DLGAP1: variants seen among roughly 807,000 people sequenced by gnomAD.
The protein encoded by DLGAP1 is DLG associated protein 1.
A neutral mutation model predicts 90.8 loss-of-function variants in DLGAP1; 11 were observed. The ratio of observed to expected loss-of-function variants is 0.12; its 90% CI spans 0.08 to 0.20. The LOEUF (loss-of-function observed/expected upper bound fraction) is 0.20. Ranked by LOEUF, DLGAP1 falls within the 10% of genes least tolerant of loss-of-function variation. The probability of loss-of-function intolerance (pLI) is 1.00; values close to 1 mark genes in which losing one functional copy is unlikely to be tolerated. For missense variants in DLGAP1, 1,050 were observed against 1,333.8 expected, an observed-to-expected ratio of 0.79 and a Z score of 3.31; for synonymous variants, 558 against 540.7, an observed-to-expected ratio of 1.03 and a Z score of -0.44.
intron 7 of DLGAP1, among the ~76,000 whole-genome samples, chr18:3,706,381 G>A (rs554470746): frequency 2.8e-4 from 42 of 152,278 alleles, no homozygotes; most frequent in African/African-American, 1.0e-3. Context: ...CTTGCAGGGT[G>A]ATGGACACAT....
rs143775537 is a variant in DLGAP1, at chr18:3,569,279, C to T, written c.1966-1698G>A. 5.3e-5 allele frequency among the ~76,000 whole-genome samples: 8 copies of T among 152,036 alleles called. 1 individual carries two copies. In the East Asian group the frequency reaches 5.9e-4, roughly 11 times the overall value. On this transcript the variant is annotated intron_variant, in intron 8 of 12. Coordinates refer to ENST00000315677, the MANE Select transcript of DLGAP1 (RefSeq NM_004746.4). The stretch of plus-strand genomic sequence containing the variant: ...CCTCCCAAATTGCTGAGATTACAGG[C>T]GTGAGCCACCGCACCTGGACAAAAA...
chr18:3,623,818 G>A (rs533487332), intron 7 of DLGAP1, among the ~76,000 whole-genome samples: 1 of 149,442 alleles, frequency 6.7e-6, no homozygotes, highest in South Asian at 2.1e-4. Flanking sequence ...CCTAGAAAAT[G>A]CTTTTCCCGT....
At chr18:4,414,524 G>C (rs1230069252) in intron 1 of DLGAP1, among the ~76,000 whole-genome samples, 1 of 152,072 alleles carries the variant, frequency 6.6e-6, no homozygotes, top group East Asian at 1.9e-4. Flanking sequence ...AGGAGTTGCA[G>C]ACCAGCCTGG....
At chr18:3,703,945 TG>T (rs2061359458) in intron 7 of DLGAP1, among the ~76,000 whole-genome samples, 1 of 152,180 alleles carries the variant, frequency 6.6e-6, no homozygotes. Context: ...CTTCTAATCT[TG>T]ACAGTTCCCA....
chr18:4,137,046 C>T (rs2076415132), intron 2 of DLGAP1, among the ~76,000 whole-genome samples: 1 of 152,060 alleles, frequency 6.6e-6, no homozygotes, highest in South Asian at 2.1e-4. Flanking sequence ...GCTATCCCTC[C>T]CCCCTTCCCC....
intron 5 of DLGAP1, among the ~76,000 whole-genome samples, chr18:3,767,364 T>C (rs887843128): frequency 2.0e-5 from 3 of 151,894 alleles, no homozygotes; most frequent in East Asian, 1.9e-4. Context: ...TTCCAGAAAA[T>C]AGAAGAGAAG....
intron 3 of DLGAP1, among the ~76,000 whole-genome samples, chr18:3,950,819 T>G (rs550247986): frequency 6.6e-6 from 1 of 152,366 alleles, no homozygotes; most frequent in South Asian, 2.1e-4. Flanking sequence ...TTGTGTATTC[T>G]AATTGTAGTG....
At chr18:3,966,010 A>C (rs1167111108) in intron 3 of DLGAP1, among the ~76,000 whole-genome samples, 1 of 151,654 alleles carries the variant, frequency 6.6e-6, no homozygotes, top group African/African-American at 2.4e-5. Flanking sequence ...CTTGGAGTTA[A>C]CAATGTAGTT....
At chr18:4,141,325 T>C (rs143441759) in intron 2 of DLGAP1, among the ~76,000 whole-genome samples, 189 of 152,146 alleles carry the variant, frequency 1.2e-3, no homozygotes, top group African/African-American at 4.3e-3. Flanking sequence ...TAAGGACATG[T>C]AGAAGTTCTG....
intron 1 of DLGAP1, among the ~76,000 whole-genome samples, chr18:4,304,092 T>A (rs2080191798): frequency 6.6e-6 from 1 of 152,210 alleles, no homozygotes; most frequent in South Asian, 2.1e-4. Context: ...GCATGTACAT[T>A]TTTTAGTCTG....
chr18:4,354,066 G>C (rs1225279691), intron 1 of DLGAP1, among the ~76,000 whole-genome samples: 1 of 152,162 alleles, frequency 6.6e-6, no homozygotes, highest in African/African-American at 2.4e-5. Context: ...GAGTCTCTGT[G>C]ACTCGCACAT....
intron 1 of DLGAP1, among the ~76,000 whole-genome samples, chr18:4,323,318 A>G (rs569302): frequency 0.22 from 33,066 of 152,126 alleles, 3,702 homozygotes; most frequent in Middle Eastern, 0.28. Context: ...AGAAAAGGAA[A>G]CCCTTGTACA....
chr18:4,189,180 A>C (rs2077351449), intron 1 of DLGAP1, among the ~76,000 whole-genome samples: 1 of 152,136 alleles, frequency 6.6e-6, no homozygotes. Flanking sequence ...GCTTGTTACC[A>C]ATGAGTATGT....
chr18:3,863,787 C>T (rs2070228156), intron 4 of DLGAP1, among the ~76,000 whole-genome samples: 1 of 152,238 alleles, frequency 6.6e-6, no homozygotes, highest in South Asian at 2.1e-4. Flanking sequence ...GCTCGGGAGC[C>T]TGCAACCTCC....
intron 9 of DLGAP1, among the ~76,000 whole-genome samples, chr18:3,564,949 G>C (rs2054343990): frequency 1.3e-5 from 2 of 152,008 alleles, no homozygotes; most frequent in South Asian, 4.2e-4. Context: ...GTTCCTTTTA[G>C]CTTATAGTGG....
At chr18:4,397,964 A>G (rs968689313) in intron 1 of DLGAP1, among the ~76,000 whole-genome samples, 2 of 152,170 alleles carry the variant, frequency 1.3e-5, no homozygotes, top group African/African-American at 4.8e-5. Context: ...TCTATTTTTA[A>G]GATGTAATGA....
intron 3 of DLGAP1, among the ~76,000 whole-genome samples, chr18:3,913,554 C>T (rs1228490853): frequency 6.6e-6 from 1 of 152,144 alleles, no homozygotes; most frequent in African/African-American, 2.4e-5. Flanking sequence ...ACTTTCTATG[C>T]TAATACAAGA....
chr18:3,727,137 C>G lies in DLGAP1; in HGVS notation c.1591+1998G>C, dbSNP rs574868471. On this transcript the variant is annotated intron_variant, in intron 7 of 12. Coordinates refer to ENST00000315677, the MANE Select transcript of DLGAP1 (RefSeq NM_004746.4). This position sits in a 1 kb window ranked among gnomAD's most constrained non-coding sequence, Gnocchi z 4.7. The stretch of plus-strand genomic sequence containing the variant: ...TTCTCATGCAATATTTGGGATATAC[C>G]TATCCAGCAGAATTATTCACTCTTT... 1.3e-5 allele frequency among the ~76,000 whole-genome samples: 2 copies of G among 152,236 alleles called. No individual in the cohort carries two copies. Among genetic ancestry groups the G allele is most frequent in the East Asian group, 3.9e-4 (2 of 5,184 alleles).
In DLGAP1 at chr18:3,930,953, G is replaced by T. The variant is rs532602420; in HGVS notation, c.-72-50813C>A. 5.9e-5 allele frequency among the ~76,000 whole-genome samples: 9 copies of T among 152,266 alleles called. No individual in the cohort carries two copies. The South Asian group carries it at 1.7e-3, about 28-fold the overall frequency. On this transcript the variant is annotated intron_variant, in intron 3 of 12. Coordinates refer to ENST00000315677, the MANE Select transcript of DLGAP1 (RefSeq NM_004746.4). The stretch of plus-strand genomic sequence containing the variant: ...GCTGGTTTAAAATGGCTCCTATGTT[G>T]GCATCTGGGCTGGGGCCTAACTACC...
Sources: allele counts gnomAD v4.1 joint callset (sites outside exome capture counted in the v4.1 genomes callset), GRCh38; gene constraint gnomAD v4.1.1; non-coding constraint Gnocchi (gnomAD v3.1); transcripts MANE v1.5; gene names NCBI Gene and HGNC (gene_info 2026-07-23, HGNC 2026-07-21).